KLHL1: variants seen among roughly 807,000 people sequenced by gnomAD.
The protein encoded by KLHL1 is kelch like family member 1, also known as kelch-like protein 1.
KLHL1 carries 47 observed loss-of-function variants against 77.7 expected under a neutral mutation model. That is an observed-to-expected ratio of 0.60 (90% CI 0.48 to 0.77). The LOEUF (loss-of-function observed/expected upper bound fraction) is 0.77. Ranked by LOEUF, KLHL1 falls within the 30% of genes least tolerant of loss-of-function variation. The pLI, the probability that KLHL1 is intolerant of heterozygous loss-of-function variation, is 0.00. For missense variants in KLHL1, 925 were observed against 910.8 expected (o/e 1.02, Z -0.20); for synonymous variants, 360 against 325.2 (o/e 1.11, Z -1.15).
chr13:69,758,414 G>T (rs1874866264), intron 7 of KLHL1, among the ~76,000 whole-genome samples: 1 of 151,724 alleles, frequency 6.6e-6, no homozygotes, highest in African/African-American at 2.4e-5. Context: ...GATCCATTTT[G>T]TTTTATCTGT....
At chr13:70,101,787 A>G (rs1048188452) in intron 1 of KLHL1, among the ~76,000 whole-genome samples, 3 of 152,140 alleles carry the variant, frequency 2.0e-5, no homozygotes, top group Non-Finnish European at 4.4e-5. Flanking sequence ...CTCAGAGAGA[A>G]GGGTGCCTAG....
intron 6 of KLHL1, among the ~76,000 whole-genome samples, chr13:69,833,874 C>T (rs926518920): frequency 7.3e-5 from 11 of 151,354 alleles, no homozygotes; most frequent in Non-Finnish European, 1.5e-4. Flanking sequence ...CACACACACA[C>T]ACACATATGC....
chr13:70,021,645 C>A (rs555395293), intron 1 of KLHL1, among the ~76,000 whole-genome samples: 2 of 150,394 alleles, frequency 1.3e-5, no homozygotes, highest in East Asian at 3.9e-4. Flanking sequence ...AATGAGAATT[C>A]TTCTTCTTCC....
intron 1 of KLHL1, among the ~76,000 whole-genome samples, chr13:70,001,682 TA>T (rs1885295188): frequency 6.6e-6 from 1 of 151,190 alleles, no homozygotes; most frequent in Admixed American, 6.6e-5. Flanking sequence ...TCTATCTATC[TA>T]TCTATCTATC....
intron 6 of KLHL1, among the ~76,000 whole-genome samples, chr13:69,821,009 G>A (rs1383076051): frequency 2.0e-5 from 3 of 152,182 alleles, no homozygotes; most frequent in Non-Finnish European, 4.4e-5. Context: ...CGTGACCACT[G>A]TAGAGTGAAA....
intron 5 of KLHL1, among the ~76,000 whole-genome samples, chr13:69,849,857 T>G (rs3012105): frequency 0.93 from 141,491 of 151,402 alleles, 66,340 homozygotes; most frequent in East Asian, 0.99. Context: ...TTTAAATAAT[T>G]TATTCATTAC....
At chr13:69,755,216 C>T (rs1039651678) in intron 7 of KLHL1, among the ~76,000 whole-genome samples, 12 of 151,922 alleles carry the variant, frequency 7.9e-5, no homozygotes, top group African/African-American at 2.9e-4. Context: ...AATATTGTGG[C>T]ACCTCCCATT....
At chr13:69,809,296 G>A (rs2138059282) in intron 6 of KLHL1, among the ~76,000 whole-genome samples, 1 of 152,140 alleles carries the variant, frequency 6.6e-6, no homozygotes, top group East Asian at 1.9e-4. Context: ...AAATATTGAA[G>A]GCAACTAAGA....
chr13:69,958,921 C>T (rs1387616273), intron 3 of KLHL1, among the ~76,000 whole-genome samples: 1 of 151,984 alleles, frequency 6.6e-6, no homozygotes, highest in Admixed American at 6.6e-5. Context: ...CCTTTCTATA[C>T]AACTGATCAC....
At chr13:70,077,706 TC>T (rs1887297911) in intron 1 of KLHL1, among the ~76,000 whole-genome samples, 1 of 151,998 alleles carries the variant, frequency 6.6e-6, no homozygotes, top group Non-Finnish European at 1.5e-5. Context: ...ATGGGAACCC[TC>T]TGTAGTTTCT....
intron 1 of KLHL1, among the ~76,000 whole-genome samples, chr13:69,981,728 C>T (rs73512687): frequency 0.15 from 22,872 of 151,368 alleles, 3,655 homozygotes; most frequent in African/African-American, 0.41. Flanking sequence ...ATCAGGCACA[C>T]ATTATTTTAA....
At chr13:69,760,546 G>A (rs1363578486) in intron 7 of KLHL1, among the ~76,000 whole-genome samples, 1 of 151,718 alleles carries the variant, frequency 6.6e-6, no homozygotes, top group Non-Finnish European at 1.5e-5. Context: ...GTAGAGACAG[G>A]GTTTCATCAT....
At chr13:69,731,706 G>T (rs74090428) in intron 8 of KLHL1, among the ~76,000 whole-genome samples, 1 of 152,064 alleles carries the variant, frequency 6.6e-6, no homozygotes, top group Non-Finnish European at 1.5e-5. Context: ...TTGTGATTCT[G>T]GTTCACCTTT....
At chr13:70,059,314 T>C (rs576758754) in intron 1 of KLHL1, among the ~76,000 whole-genome samples, 13 of 152,096 alleles carry the variant, frequency 8.5e-5, no homozygotes, top group Non-Finnish European at 1.6e-4. Flanking sequence ...CGCATCACTA[T>C]GCCCAGCTAA....
intron 4 of KLHL1, among the ~76,000 whole-genome samples, chr13:69,902,251 C>A (rs1049691398): frequency 1.1e-4 from 17 of 152,080 alleles, no homozygotes; most frequent in African/African-American, 3.4e-4. Context: ...TTTTAAATTT[C>A]TTTCATGTTT....
chr13:69,856,257 T>C (rs1390444804), intron 5 of KLHL1, among the ~76,000 whole-genome samples: 1 of 152,022 alleles, frequency 6.6e-6, no homozygotes, highest in Non-Finnish European at 1.5e-5. Flanking sequence ...CTGCCCATTC[T>C]AAAATATTCA....
chr13:69,724,707 C>A (rs1420304373), intron 8 of KLHL1, among the ~76,000 whole-genome samples: 1 of 152,016 alleles, frequency 6.6e-6, no homozygotes, highest in Non-Finnish European at 1.5e-5. Context: ...TTGATTAAAG[C>A]CATACATACA....
chr13:70,023,304 T>C (rs991431796), intron 1 of KLHL1, among the ~76,000 whole-genome samples: 6 of 151,922 alleles, frequency 3.9e-5, no homozygotes, highest in African/African-American at 1.4e-4. Flanking sequence ...TGTGTGTACC[T>C]GAGTGTCCTC....
intron 4 of KLHL1, among the ~76,000 whole-genome samples, chr13:69,896,368 C>T (rs971280588): frequency 2.0e-5 from 3 of 152,126 alleles, no homozygotes; most frequent in African/African-American, 7.2e-5. Flanking sequence ...ATTAGTCATT[C>T]TAATTTCATC....
Sources: gnomAD v4.1 joint callset for allele counts (sites outside exome capture counted in the v4.1 genomes callset) on GRCh38, gnomAD v4.1.1 for gene constraint, MANE v1.5 for transcripts, NCBI Gene and HGNC (gene_info 2026-07-23, HGNC 2026-07-21) for gene names.